The following BPNT2 variants were observed in gnomAD, a reference collection of about 807,000 sequenced individuals.
BPNT2 encodes the protein 3'(2'), 5'-bisphosphate nucleotidase 2.
BPNT2 carries 11 observed loss-of-function variants against 29.3 expected under a neutral mutation model. That is an observed-to-expected ratio of 0.38 (90% CI 0.24 to 0.62). BPNT2 has a LOEUF of 0.62. Among genes scored for constraint, BPNT2 ranks in the 20% least tolerant of loss-of-function variants. The pLI, the probability that BPNT2 is intolerant of heterozygous loss-of-function variation, is 0.62. For synonymous variants in BPNT2, 195 were observed against 187.7 expected, an observed-to-expected ratio of 1.04 and a Z score of -0.32; for missense variants, 459 against 473.4, an observed-to-expected ratio of 0.97 and a Z score of 0.28.
At chr8:56,980,795 C>T (rs1485420395) in intron 1 of BPNT2, among the ~76,000 whole-genome samples, 3 of 140,212 alleles carry the variant, frequency 2.1e-5, no homozygotes, top group Admixed American at 1.5e-4. Context: ...CTCTCCTTAC[C>T]CCACACCCTT....
At position 56,960,588 on chromosome 8, in the gene BPNT2, G is replaced by T. The variant is rs1238812318; in HGVS notation, c.*3205C>A. ...TAAAGAAAGAAACACTAAAATTGGG[G>T]TAGCACATACCAAGACAAACATGAC... On this transcript the variant is annotated 3_prime_UTR_variant, in exon 5 of 5. Coordinates refer to ENST00000262644, the MANE Select transcript of BPNT2 (RefSeq NM_017813.5). 1 of 152,192 alleles carries T rather than the reference G, an allele frequency of 6.6e-6. No individual in the cohort carries two copies. Among genetic ancestry groups the T allele is most frequent in the African/African-American group, 2.4e-5 (1 of 41,460 alleles). 9.4% of individuals were successfully genotyped at this position (152,192 alleles called of 1,614,324 possible).
rs2129205523 is a variant in BPNT2, at chr8:56,980,675, T to A, written c.388-478A>T. ...GAACAAAATTAAAAGATAAAATAAA[T>A]TTAACTTACCATACAGATATGTAAG... is the stretch of plus-strand genomic sequence containing the variant. On this transcript the variant is annotated intron_variant, in intron 1 of 4. Coordinates refer to ENST00000262644, the MANE Select transcript of BPNT2 (RefSeq NM_017813.5). Among the ~76,000 whole-genome samples the A allele has an allele frequency of 2.0e-5, 3 of 151,106 alleles. No individual in the cohort carries two copies. In the South Asian group the frequency reaches 6.3e-4, roughly 32 times the overall value.
rs1805846676 is a variant in BPNT2 at position 56,962,028 on chromosome 8, C to T, written c.*1765G>A. On this transcript the variant is annotated 3_prime_UTR_variant, in exon 5 of 5. Transcript: ENST00000262644. Reference sequence around the variant, plus strand: ...GCAACAGCATATACCTTTGCCATCTCTCCTGAAAAAGAAAGTTTCTTCAGC... The same window carrying T: ...GCAACAGCATATACCTTTGCCATCTTTCCTGAAAAAGAAAGTTTCTTCAGC... 6.6e-6 allele frequency: 1 copy of T among 152,124 alleles called. No homozygotes were observed. The highest frequency in any genetic ancestry group is 2.4e-5 in the African/African-American group (1 of 41,422). The allele number at this position is 152,124 out of a possible 1,614,324, so 9.4% of individuals were successfully genotyped here. A position where few individuals can be genotyped will look rare whatever the true frequency, so the allele number is the denominator to read the frequency against.
intron 3 of BPNT2, among the ~76,000 whole-genome samples, chr8:56,972,340 T>C (rs1330770726): frequency 1.4e-5 from 2 of 148,140 alleles, no homozygotes; most frequent in East Asian, 2.0e-4. Flanking sequence ...CAAGAAAAAG[T>C]TGAATTGCTT....
At chr8:56,967,786 G>T (rs1027130558) in intron 3 of BPNT2, among the ~76,000 whole-genome samples, 2 of 151,968 alleles carry the variant, frequency 1.3e-5, no homozygotes, top group African/African-American at 4.8e-5. Context: ...TTAAGATAGG[G>T]GCTTTATTGA....
At chr8:56,967,713 G>A (rs1356420837) in intron 3 of BPNT2, among the ~76,000 whole-genome samples, 1 of 152,168 alleles carries the variant, frequency 6.6e-6, no homozygotes, top group Non-Finnish European at 1.5e-5. Flanking sequence ...GGGAGGGGAT[G>A]ATGATGTAAG....
In BPNT2 at chr8:56,993,470, A is replaced by G. The variant is rs776502522; in HGVS notation, c.116T>C (p.Phe39Ser). ...SGFLAGRFSL[F>S]GLGGEPGGGA... ...GCCGCCAGGCTCGCCGCCCAGGCCGAAGAGGCTGAAGCGGCCGGCCAAGAA... is the reference window on the plus strand; with the variant it reads ...GCCGCCAGGCTCGCCGCCCAGGCCGGAGAGGCTGAAGCGGCCGGCCAAGAA... Residue 39 changes from phenylalanine (F) to serine (S), a missense_variant, in exon 1 of 5, where the codon TTC (phenylalanine) becomes TCC (serine). Transcript: ENST00000262644. 6.7e-7 allele frequency: 1 copy of G among 1,495,374 alleles called. No homozygotes were observed. The highest frequency in any genetic ancestry group is 1.3e-5 in the South Asian group (1 of 77,932). 92.6% of individuals were successfully genotyped at this position (1,495,374 alleles called of 1,614,324 possible).
At chr8:56,981,543 G>A (rs1055796463) in intron 1 of BPNT2, among the ~76,000 whole-genome samples, 6 of 151,862 alleles carry the variant, frequency 4.0e-5, no homozygotes, top group African/African-American at 1.5e-4. Context: ...CCAGCCTGGC[G>A]ACAGAGCAAG....
Position 56,963,111 on chromosome 8 carries a change from C to G in BPNT2, c.*682G>C, listed in dbSNP as rs1052619454. The G allele has an allele frequency of 6.6e-6, 1 of 152,248 alleles. No homozygotes were observed. The allele number at this position is 152,248 out of a possible 1,614,324, so 9.4% of individuals were successfully genotyped here. ...AATGCTGAACTCATGGGTACAAACA[C>G]ACTTTTCTTTATAAAAACAAAACAA... is the stretch of plus-strand genomic sequence containing the variant. On this transcript the variant is annotated 3_prime_UTR_variant, in exon 5 of 5. Transcript: ENST00000262644.
At chr8:56,982,493 C>A (rs1351449256) in intron 1 of BPNT2, among the ~76,000 whole-genome samples, 1 of 152,148 alleles carries the variant, frequency 6.6e-6, no homozygotes, top group African/African-American at 2.4e-5. Flanking sequence ...ATTAATTCAG[C>A]AAATGCTTAT....
intron 1 of BPNT2, among the ~76,000 whole-genome samples, chr8:56,989,766 C>T (rs1806382691): frequency 6.6e-6 from 1 of 152,172 alleles, no homozygotes; most frequent in Non-Finnish European, 1.5e-5. Flanking sequence ...GGACTAGGTC[C>T]AAATTCCTTT....
rs1318303864 is a variant in BPNT2 at position 56,960,610 on chromosome 8, T to C, written c.*3183A>G. On this transcript the variant is annotated 3_prime_UTR_variant, in exon 5 of 5. Coordinates refer to ENST00000262644, the MANE Select transcript of BPNT2 (RefSeq NM_017813.5). ...GGGGTAGCACATACCAAGACAAACATGACCATCTTGTAGGTCCTTGTAAAT... is the reference window on the plus strand; with the variant it reads ...GGGGTAGCACATACCAAGACAAACACGACCATCTTGTAGGTCCTTGTAAAT... 2 of 152,172 alleles carry C rather than the reference T, an allele frequency of 1.3e-5. No homozygotes were observed. The highest frequency in any genetic ancestry group is 2.9e-5 in the Non-Finnish European group (2 of 68,036). The allele number at this position is 152,172 out of a possible 1,614,324, so 9.4% of individuals were successfully genotyped here.
At position 56,962,945 on chromosome 8, in the gene BPNT2, G is replaced by A. The variant is rs1805862774; in HGVS notation, c.*848C>T. On this transcript the variant is annotated 3_prime_UTR_variant, in exon 5 of 5. Transcript: ENST00000262644. ...CCTTACAGCATATTTTATCGTTAAT[G>A]AGAAAATGAACCAAAACTATAGTGC... The A allele has an allele frequency of 1.3e-5, 2 of 152,176 alleles. No homozygotes were observed. Among genetic ancestry groups the A allele is most frequent in the African/African-American group, 4.8e-5 (2 of 41,448 alleles). The allele number at this position is 152,176 out of a possible 1,614,324, so 9.4% of individuals were successfully genotyped here.
intron 1 of BPNT2, among the ~76,000 whole-genome samples, chr8:56,991,299 CAAG>C (rs948320750): frequency 1.3e-5 from 2 of 152,098 alleles, no homozygotes; most frequent in Admixed American, 6.5e-5. Context: ...CACAAGAAAA[CAAG>C]AAGTTGTTTT....
intron 3 of BPNT2, among the ~76,000 whole-genome samples, chr8:56,977,120 A>T (rs2129204996): frequency 6.6e-6 from 1 of 152,308 alleles, no homozygotes; most frequent in African/African-American, 2.4e-5. Flanking sequence ...AATATATCTC[A>T]TTATATATAT....
At chr8:56,981,103 ACTAG>A (rs1438270830) in intron 1 of BPNT2, among the ~76,000 whole-genome samples, 2 of 152,048 alleles carry the variant, frequency 1.3e-5, no homozygotes, top group South Asian at 2.1e-4. Context: ...GCTGAATGCC[ACTAG>A]AACGCACCAG....
chr8:56,971,779 A>ACCCC (rs1242175246), intron 3 of BPNT2, among the ~76,000 whole-genome samples: 1,013 of 37,582 alleles, frequency 0.027, 7 homozygotes, highest in Non-Finnish European at 0.03. Context: ...ATAATTTTGT[A>ACCCC]CCACCCCCCC....
At chr8:56,965,490 G>A (rs1805929438) in intron 4 of BPNT2, among the ~76,000 whole-genome samples, 1 of 152,270 alleles carries the variant, frequency 6.6e-6, no homozygotes, top group South Asian at 2.1e-4. Context: ...TTGACAAACA[G>A]CCCCTCAAGC....
In BPNT2 at chr8:56,993,368, G is replaced by A. The variant is rs1177587665; in HGVS notation, c.218C>T (p.Ala73Val). Residue 73 changes from alanine to valine, a missense_variant, in exon 1 of 5, where the codon GCC (alanine) becomes GTC (valine). By Grantham distance (64) the Ala-to-Val change is moderately conservative. Coordinates refer to ENST00000262644, the MANE Select transcript of BPNT2 (RefSeq NM_017813.5). The part of the protein sequence containing the change: ...LREMLAVSVL[A>V]AVRGGDEVRR... ...CACCTCGTCGCCGCCGCGGACTGCG[G>A]CCAGCACTGACACAGCCAGCATCTC... The A allele has an allele frequency of 1.2e-6, 2 of 1,609,618 alleles. No homozygotes were observed. Among genetic ancestry groups the A allele is most frequent in the Admixed American group, 1.7e-5 (1 of 59,972 alleles).
Sources: gnomAD v4.1 joint callset for allele counts (sites outside exome capture counted in the v4.1 genomes callset) on GRCh38, gnomAD v4.1.1 for gene constraint, MANE v1.5 for transcripts, NCBI Gene and HGNC (gene_info 2026-07-23, HGNC 2026-07-21) for gene names.